KIF7: variants seen among roughly 807,000 people sequenced by gnomAD.
KIF7 encodes the protein kinesin-like protein KIF7.
A neutral mutation model predicts 135.7 loss-of-function variants in KIF7; 104 were observed. That is an observed-to-expected ratio of 0.77 (90% CI 0.65 to 0.90). The LOEUF (loss-of-function observed/expected upper bound fraction) is 0.90, where lower values mean the gene tolerates loss of function less well. Ranked by LOEUF, KIF7 falls within the 40% of genes least tolerant of loss-of-function variation. The pLI, the probability that KIF7 is intolerant of heterozygous loss-of-function variation, is 0.00. For missense variants in KIF7, 2,005 were observed against 1,839.1 expected (o/e 1.09, Z -1.65); for synonymous variants, 883 against 809.4 (o/e 1.09, Z -1.54).
chr15:89,626,412 C>T (rs571908710), downstream of KIF7, among the ~76,000 whole-genome samples: 3 of 152,308 alleles, frequency 2.0e-5, no homozygotes, highest in South Asian at 2.1e-4. Context: ...TTCCCCACAG[C>T]GGGTTTATCC....
Position 89,631,708 on chromosome 15 carries a change from GGC to G in KIF7, c.2896_2897del (p.Ala966ProfsTer81), listed in dbSNP as rs752248403. The G allele has an allele frequency of 2.3e-5, 35 of 1,550,916 alleles. No homozygotes were observed. The highest frequency in any genetic ancestry group is 5.8e-5 in the Admixed American group (3 of 51,478). ...ACACTCGCACGATGTCCTCGTTGAG[GGC>G]CTGGGGGCAGAATCACCAGGGATTA... ...LESKRLRSSQ[A>X]LNEDIVRVSS... On this transcript the variant is annotated frameshift_variant and splice_region_variant, in exon 15 of 19. Coordinates refer to ENST00000394412, the MANE Select transcript of KIF7 (RefSeq NM_198525.3). LOFTEE classifies it high-confidence loss of function.
At chr15:89,658,446 CAGAG>C (rs142155148), upstream of KIF7, among the ~76,000 whole-genome samples, 8 of 144,178 alleles carry the variant, frequency 5.5e-5, no homozygotes, top group Non-Finnish European at 7.7e-5. Flanking sequence ...ACCCCATCTC[CAGAG>C]AGAGAGAGAG....
At chr15:89,631,930 G>C (rs1436141234) in intron 14 of KIF7, among the ~76,000 whole-genome samples, 1 of 152,342 alleles carries the variant, frequency 6.6e-6, no homozygotes, top group East Asian at 1.9e-4. Flanking sequence ...GAGATGGCGA[G>C]AGGAGGATAA....
chr15:89,628,912 T>C (rs1963599813), intron 18 of KIF7, 64 bp downstream of exon 18: 2 of 1,611,316 alleles, frequency 1.2e-6, no homozygotes, highest in Non-Finnish European at 1.7e-6. Flanking sequence ...CGAGGGAGAG[T>C]GGTCTCTAAG....
chr15:89,634,267 C>T (rs1963753612), intron 11 of KIF7, among the ~76,000 whole-genome samples: 1 of 152,168 alleles, frequency 6.6e-6, no homozygotes, highest in Non-Finnish European at 1.5e-5. Flanking sequence ...CCACTGCACT[C>T]CAGCTTGGGC....
intron 10 of KIF7, among the ~76,000 whole-genome samples, chr15:89,644,081 A>G (rs1183281934): frequency 6.6e-6 from 1 of 152,166 alleles, no homozygotes; most frequent in Non-Finnish European, 1.5e-5. Context: ...ACAACTGTGG[A>G]AAACTCTTGG....
chr15:89,649,137 C>A lies in KIF7; in HGVS notation c.760G>T (p.Ala254Ser). 2 of 1,547,984 alleles carry A rather than the reference C, an allele frequency of 1.3e-6. No individual in the cohort carries two copies. Among genetic ancestry groups the A allele is most frequent in the African/African-American group, 1.4e-5 (1 of 73,156 alleles). Residue 254 changes from alanine to serine, a missense_variant, in exon 4 of 19, where the codon GCG becomes TCG. Coordinates refer to ENST00000394412, the MANE Select transcript of KIF7 (RefSeq NM_198525.3). ...LVSKFHFVDL[A>S]GSERVLKTGS... is the part of the protein sequence containing the mutation. ...GTCTTGAGCACCCTCTCTGAGCCCGCCAGGTCCACGAAGTGGAACTTGGAG... is the reference window on the plus strand; with the variant it reads ...GTCTTGAGCACCCTCTCTGAGCCCGACAGGTCCACGAAGTGGAACTTGGAG...
Position 89,645,599 on chromosome 15 carries a change from G to C in KIF7, c.1923-148C>G. ...CAGGATGTGAGTCTGGCAGAATCAG[G>C]AGTCCAGGGGCAGAGTTTTAGGAGG... On this transcript the variant is annotated intron_variant, in intron 8 of 18. Transcript: ENST00000394412. 3 of 777,762 alleles carry C rather than the reference G, an allele frequency of 3.9e-6. No individual in the cohort carries two copies. In the South Asian group the frequency reaches 4.7e-5, roughly 12 times the overall value. The allele number at this position is 777,762 out of a possible 1,614,324, so 48.2% of individuals were successfully genotyped here. A position where few individuals can be genotyped will look rare whatever the true frequency, so the allele number is the denominator to read the frequency against.
intron 11 of KIF7, among the ~76,000 whole-genome samples, chr15:89,637,563 A>C (rs1027117118): frequency 5.3e-5 from 8 of 151,666 alleles, no homozygotes; most frequent in African/African-American, 1.7e-4. Flanking sequence ...TAAACTAGAA[A>C]ATCTAGAAGA....
downstream of KIF7, chr15:89,625,768 G>A (rs559916984): frequency 1.5e-5 from 24 of 1,604,618 alleles, no homozygotes; most frequent in African/African-American, 5.4e-5. Flanking sequence ...CACGGGAGAC[G>A]AAGAGGTGTT....
rs550018289 is a variant in KIF7, at chr15:89,645,176, C to G, written c.2039-11G>C. 1.2e-6 allele frequency: 2 copies of G among 1,604,676 alleles called. No homozygotes were observed. The highest frequency in any genetic ancestry group is 1.3e-5 in the African/African-American group (1 of 74,944). On this transcript the variant is annotated splice_polypyrimidine_tract_variant and intron_variant, in intron 9 of 18. Transcript: ENST00000394412. ...TGCTCCCACCAACTGCTGCAACAGG[C>G]AGCCTGTCAAGGTTGCTGCCCCAAC...
chr15:89,635,353 A>G (rs1024383590), intron 11 of KIF7, among the ~76,000 whole-genome samples: 3 of 152,256 alleles, frequency 2.0e-5, no homozygotes, highest in Non-Finnish European at 4.4e-5. Context: ...CTGAGAGAAG[A>G]AGGCTTCAGA....
At chr15:89,657,018 C>T (rs1198797759), upstream of KIF7, among the ~76,000 whole-genome samples, 1 of 152,050 alleles carries the variant, frequency 6.6e-6, no homozygotes, top group Non-Finnish European at 1.5e-5. Context: ...TTAAGAGGTA[C>T]AATTCTGGGC....
intron 17 of KIF7, 107 bp from the exon 18 acceptor site, chr15:89,629,229 C>T (rs1248657217): frequency 8.2e-6 from 9 of 1,103,312 alleles, no homozygotes; most frequent in South Asian, 5.6e-5. Context: ...GGGTTGTGAG[C>T]GGTGGGCCGG....
chr15:89,637,217 A>G (rs1182606651), intron 11 of KIF7, among the ~76,000 whole-genome samples: 1 of 136,754 alleles, frequency 7.3e-6, no homozygotes, highest in Admixed American at 7.6e-5. Context: ...AATGCCCACA[A>G]GAGAAAGCAG....
At chr15:89,661,931 C>G in the KIF7 span, among the ~76,000 whole-genome samples, 1 of 152,012 alleles carries the variant, frequency 6.6e-6, no homozygotes, top group African/African-American at 2.4e-5. Context: ...GATGGGGTTT[C>G]ACCATGTTGG....
intron 4 of KIF7, 93 bp from the exon 5 acceptor site, chr15:89,648,867 C>T: frequency 6.8e-7 from 1 of 1,467,124 alleles, no homozygotes; most frequent in South Asian, 1.4e-5. Flanking sequence ...GCGCGGTTCC[C>T]GTGGGCTGGA....
intron 11 of KIF7, among the ~76,000 whole-genome samples, chr15:89,635,294 T>G (rs750220945): frequency 4.8e-4 from 73 of 152,184 alleles, no homozygotes; most frequent in Non-Finnish European, 8.7e-4. Flanking sequence ...AGGAACGCAG[T>G]TCCTCACCAG....
intron 11 of KIF7, among the ~76,000 whole-genome samples, chr15:89,635,743 A>G (rs2142005991): frequency 6.6e-6 from 1 of 152,312 alleles, no homozygotes; most frequent in Middle Eastern, 3.4e-3. Context: ...ACCAAGTTGG[A>G]AAACACTCTG....
Sources: gnomAD v4.1 joint callset for allele counts (sites outside exome capture counted in the v4.1 genomes callset) on GRCh38, gnomAD v4.1.1 for gene constraint, MANE v1.5 for transcripts, NCBI Gene and HGNC (gene_info 2026-07-23, HGNC 2026-07-21) for gene names.